The following ERBB4 variants were observed in gnomAD, a reference collection of about 807,000 sequenced individuals.
ERBB4 encodes receptor tyrosine-protein kinase erbB-4.
A neutral mutation model predicts 158.0 loss-of-function variants in ERBB4; 42 were observed. That is an observed-to-expected ratio of 0.27 (90% CI 0.21 to 0.34). The LOEUF (loss-of-function observed/expected upper bound fraction) is 0.34, where lower values mean the gene tolerates loss of function less well. Among genes scored for constraint, ERBB4 ranks in the 10% least tolerant of loss-of-function variants. ERBB4 has a pLI of 1.00. For missense variants in ERBB4, 1,333 were observed against 1,624.1 expected (o/e 0.82, Z 3.08); for synonymous variants, 583 against 558.7 (o/e 1.04, Z -0.61).
chr2:211,810,535 A>G (rs565939554), intron 3 of ERBB4, among the ~76,000 whole-genome samples: 67 of 151,142 alleles, frequency 4.4e-4, no homozygotes, highest in Non-Finnish European at 7.8e-4. Context: ...TTTGCTTTCC[A>G]TTTGCTTGGT....
chr2:212,305,808 T>C (rs1038493326), intron 1 of ERBB4, among the ~76,000 whole-genome samples: 1 of 151,428 alleles, frequency 6.6e-6, no homozygotes, highest in Non-Finnish European at 1.5e-5. Context: ...ATCATGTCCC[T>C]GTACATTAAA....
At chr2:211,462,015 A>G (rs915329719) in intron 20 of ERBB4, among the ~76,000 whole-genome samples, 1 of 152,156 alleles carries the variant, frequency 6.6e-6, no homozygotes, top group East Asian at 1.9e-4. Flanking sequence ...ATAAAATGGC[A>G]AAACTGTGAT....
intron 16 of ERBB4, among the ~76,000 whole-genome samples, chr2:211,637,330 A>G (rs879335225): frequency 6.6e-6 from 1 of 151,986 alleles, no homozygotes; most frequent in Non-Finnish European, 1.5e-5. Context: ...GGCAAGGAAT[A>G]TAGCTTTGAA....
intron 1 of ERBB4, among the ~76,000 whole-genome samples, chr2:212,131,319 A>G (rs911438152): frequency 1.3e-5 from 2 of 152,210 alleles, no homozygotes; most frequent in South Asian, 2.1e-4. Flanking sequence ...TTTTAAAAAT[A>G]TAAATCATTC....
At chr2:211,919,803 G>A (rs1308828423) in intron 3 of ERBB4, among the ~76,000 whole-genome samples, 1 of 151,878 alleles carries the variant, frequency 6.6e-6, no homozygotes, top group African/African-American at 2.4e-5. Flanking sequence ...GCCGAGGCAG[G>A]CAATTCAATA....
chr2:212,459,133 T>G (rs1688448684), intron 1 of ERBB4, among the ~76,000 whole-genome samples: 1 of 152,110 alleles, frequency 6.6e-6, no homozygotes, highest in South Asian at 2.1e-4. Flanking sequence ...GGCTTTTGGG[T>G]TTTATATATA....
intron 1 of ERBB4, among the ~76,000 whole-genome samples, chr2:212,367,106 C>G (rs2089917657): frequency 6.6e-6 from 1 of 151,976 alleles, no homozygotes; most frequent in African/African-American, 2.4e-5. Flanking sequence ...CCTGTCCCAG[C>G]ATGCAGAGAA....
chr2:212,110,569 C>G (rs534491751), intron 2 of ERBB4, among the ~76,000 whole-genome samples: 2 of 152,160 alleles, frequency 1.3e-5, no homozygotes, highest in Admixed American at 6.5e-5. Context: ...CACACTAAGG[C>G]GAAGTCCACT....
At chr2:211,913,562 C>A (rs2079593705) in intron 3 of ERBB4, among the ~76,000 whole-genome samples, 1 of 151,620 alleles carries the variant, frequency 6.6e-6, no homozygotes, top group Non-Finnish European at 1.5e-5. Context: ...GACCATGGCA[C>A]TGCACTCCAG....
rs1490027011 is a variant in ERBB4 at position 211,623,926 on chromosome 2, T to C, written c.2198A>G (p.Tyr733Cys). The C allele has an allele frequency of 1.2e-6, 2 of 1,614,092 alleles. No individual in the cohort carries two copies. Among genetic ancestry groups the C allele is most frequent in the South Asian group, 1.1e-5 (1 of 91,082 alleles). Reference sequence around the variant, plus strand: ...TATGCGTTGTTTTTTACTTACTTTATAAACCGTTCCAAAAGCACCTGAGCC... The same window carrying C: ...TATGCGTTGTTTTTTACTTACTTTACAAACCGTTCCAAAAGCACCTGAGCC... ...VLGSGAFGTVYKGIWVPEGET... is the reference protein window; with the variant it reads ...VLGSGAFGTVCKGIWVPEGET... The change falls in exon 18 of 28, where the codon TAT becomes TGT. Residue 733 changes from tyrosine (Y) to cysteine (C), a missense_variant. Around this residue, in one of 5 missense-constraint regions of ERBB4, gnomAD observed 314 missense variants for 437.6 expected, o/e 0.72. Transcript: ENST00000342788.
intron 20 of ERBB4, among the ~76,000 whole-genome samples, chr2:211,454,411 A>G (rs1326357873): frequency 6.6e-6 from 1 of 152,182 alleles, no homozygotes; most frequent in Non-Finnish European, 1.5e-5. Context: ...TTTAGTCTAA[A>G]TCCATGTATT....
intron 2 of ERBB4, among the ~76,000 whole-genome samples, chr2:212,062,396 A>ATTTTTTTTTTTTT (rs1559419685): frequency 2.9e-4 from 28 of 96,524 alleles, no homozygotes; most frequent in Admixed American, 4.0e-4. Context: ...TCACTTGTCA[A>ATTTTTTTTTTTTT]TTCTTTTTTT....
chr2:211,547,224 G>A (rs561242150), intron 20 of ERBB4, among the ~76,000 whole-genome samples: 54 of 152,080 alleles, frequency 3.6e-4, no homozygotes, highest in Admixed American at 1.0e-3. Flanking sequence ...AACTTCCTGT[G>A]AATCTACAAT....
chr2:211,751,559 T>G (rs996986621), intron 4 of ERBB4, among the ~76,000 whole-genome samples: 7 of 152,240 alleles, frequency 4.6e-5, no homozygotes, highest in African/African-American at 1.7e-4. Context: ...ATGTTTTCTA[T>G]GACATTTCCT....
Position 212,460,973 on chromosome 2 carries a change from C to T in ERBB4, c.82+77476G>A, listed in dbSNP as rs183049210. Among the ~76,000 whole-genome samples the T allele has an allele frequency of 1.8e-3, 275 of 152,250 alleles. 3 individuals carry two copies. Among genetic ancestry groups the T allele is most frequent in the African/African-American group, 6.3e-3 (261 of 41,560 alleles). Reference sequence around the variant, plus strand: ...CTGTTTGCAGCCTAGGGAGTTGGTGCCATGCATTTCAGCTGCTACAATCAT... The same window carrying T: ...CTGTTTGCAGCCTAGGGAGTTGGTGTCATGCATTTCAGCTGCTACAATCAT... On this transcript the variant is annotated intron_variant, in intron 1 of 27. Coordinates refer to ENST00000342788, the MANE Select transcript of ERBB4 (RefSeq NM_005235.3).
At chr2:212,155,892 AAG>A (rs2081020966) in intron 1 of ERBB4, among the ~76,000 whole-genome samples, 1 of 152,168 alleles carries the variant, frequency 6.6e-6, no homozygotes, top group Admixed American at 6.6e-5. Context: ...TAATTATAAA[AAG>A]AACACATATA....
At chr2:212,378,130 T>C (rs73060356) in intron 1 of ERBB4, among the ~76,000 whole-genome samples, 3,781 of 151,908 alleles carry the variant, frequency 0.025, 172 homozygotes, top group African/African-American at 0.086. Context: ...ATGGTTACAA[T>C]GACACTAGGC....
At chr2:212,513,352 T>C (rs1691631928) in intron 1 of ERBB4, among the ~76,000 whole-genome samples, 3 of 152,212 alleles carry the variant, frequency 2.0e-5, no homozygotes. Context: ...ATTAAAAAGT[T>C]ACCGCCTTTA....
intron 3 of ERBB4, among the ~76,000 whole-genome samples, chr2:211,856,039 A>T (rs1317592867): frequency 6.6e-6 from 1 of 152,230 alleles, no homozygotes; most frequent in Non-Finnish European, 1.5e-5. Context: ...TGACGGGTAC[A>T]CTAAAAGCTA....
Sources: gnomAD v4.1 joint callset for allele counts (sites outside exome capture counted in the v4.1 genomes callset) on GRCh38, gnomAD v4.1.1 for gene constraint, gnomAD v4.1.1 regional missense constraint, MANE v1.5 for transcripts, NCBI Gene and HGNC (gene_info 2026-07-23, HGNC 2026-07-21) for gene names.